Variants in FIBCD1 observed in about 807,000 individuals in gnomAD.
The protein encoded by FIBCD1 is fibrinogen C domain-containing protein 1.
Under a neutral mutation model 45.1 loss-of-function variants are expected in FIBCD1, and 47 were observed. The observed-to-expected ratio is 1.04, with a 90% CI of 0.82 to 1.33. FIBCD1 has a LOEUF of 1.33. Among genes scored for constraint, FIBCD1 ranks in the 40% most tolerant of loss-of-function variants. The pLI is 0.00. For synonymous variants in FIBCD1, 313 were observed against 308.1 expected (o/e 1.02, Z -0.17); for missense variants, 653 against 682.2 (o/e 0.96, Z 0.48).
chr9:130,908,198 T>C (rs1371591577), intron 5 of FIBCD1, among the ~76,000 whole-genome samples: 1 of 152,128 alleles, frequency 6.6e-6, no homozygotes, highest in Non-Finnish European at 1.5e-5. Flanking sequence ...CATGACTCGA[T>C]AGGAAAAGAC....
At chr9:130,930,166 G>A in intron 1 of FIBCD1, 120 bp from the exon 2 acceptor site, 4 of 1,266,196 alleles carry the variant, frequency 3.2e-6, no homozygotes, top group Non-Finnish European at 4.2e-6. Context: ...CAAGGGCGTG[G>A]CACAGAGACT....
chr9:130,912,704 GA>G (rs10538277), intron 4 of FIBCD1, among the ~76,000 whole-genome samples: 2,021 of 141,852 alleles, frequency 0.014, 41 homozygotes, highest in African/African-American at 0.047. Context: ...AAAACTGTCT[GA>G]AAAAAAAAAA....
chr9:130,927,808 A>G (rs1056283346), intron 2 of FIBCD1, among the ~76,000 whole-genome samples: 9 of 152,158 alleles, frequency 5.9e-5, no homozygotes, highest in Non-Finnish European at 1.2e-4. Context: ...AGCTGGGATT[A>G]CAGGCGCCCG....
intron 5 of FIBCD1, among the ~76,000 whole-genome samples, chr9:130,910,159 T>G (rs1832011099): frequency 6.6e-6 from 1 of 152,192 alleles, no homozygotes; most frequent in South Asian, 2.1e-4. Context: ...CGTGCGGCGC[T>G]TGCGGGCCAG....
intron 4 of FIBCD1, among the ~76,000 whole-genome samples, chr9:130,913,305 C>T (rs1377812623): frequency 2.0e-5 from 3 of 150,806 alleles, no homozygotes; most frequent in Non-Finnish European, 1.5e-5. Flanking sequence ...GCCCGCGGCC[C>T]GGCCGGCCTC....
intron 4 of FIBCD1, among the ~76,000 whole-genome samples, chr9:130,913,291 C>T (rs1454820283): frequency 1.3e-5 from 2 of 151,562 alleles, no homozygotes; most frequent in Admixed American, 6.6e-5. Flanking sequence ...TTCTCCGAGG[C>T]AGCGCCCGCG....
At chr9:130,911,072 C>T (rs886110286) in intron 5 of FIBCD1, among the ~76,000 whole-genome samples, 5 of 152,168 alleles carry the variant, frequency 3.3e-5, no homozygotes, top group Admixed American at 6.5e-5. Context: ...CAGCCAGCCT[C>T]GGCAACCCGC....
intron 1 of FIBCD1, among the ~76,000 whole-genome samples, chr9:130,932,693 G>A (rs7864465): frequency 0.43 from 65,981 of 151,992 alleles, 15,893 homozygotes; most frequent in Non-Finnish European, 0.56. Context: ...TGCTCCCCCC[G>A]TTAGGGTGCT....
chr9:130,935,401 C>T (rs746066898), intron 1 of FIBCD1, among the ~76,000 whole-genome samples: 2 of 152,176 alleles, frequency 1.3e-5, no homozygotes, highest in Non-Finnish European at 2.9e-5. Flanking sequence ...TGGCAAATAC[C>T]GTTTCACCCT....
At chr9:130,914,012 C>T (rs995745853) in intron 4 of FIBCD1, among the ~76,000 whole-genome samples, 2 of 152,148 alleles carry the variant, frequency 1.3e-5, no homozygotes, top group African/African-American at 4.8e-5. Flanking sequence ...CACACCTCTC[C>T]AGGCCCCAGC....
chr9:130,935,967 C>G (rs1832513367), intron 1 of FIBCD1, among the ~76,000 whole-genome samples: 1 of 152,184 alleles, frequency 6.6e-6, no homozygotes, highest in South Asian at 2.1e-4. Context: ...TTGTAGGAAC[C>G]AGATGTTCAG....
intron 4 of FIBCD1, among the ~76,000 whole-genome samples, chr9:130,918,435 C>T (rs150253241): frequency 4.8e-4 from 73 of 152,284 alleles, no homozygotes; most frequent in African/African-American, 1.7e-3. Context: ...TTAGAACGGC[C>T]CCCTGGAAGC....
chr9:130,937,466 A>C (rs1832535774), intron 1 of FIBCD1, among the ~76,000 whole-genome samples: 1 of 152,204 alleles, frequency 6.6e-6, no homozygotes, highest in African/African-American at 2.4e-5. Flanking sequence ...TGCAAACCGC[A>C]GAGGGCTGGG....
chr9:130,919,258 G>A lies in FIBCD1; in HGVS notation c.849+4486C>T, dbSNP rs574420945. Among the ~76,000 whole-genome samples the A allele has an allele frequency of 5.9e-4, 90 of 152,214 alleles. 1 individual carries two copies. The highest frequency in any genetic ancestry group is 2.0e-3 in the African/African-American group (83 of 41,466). On this transcript the variant is annotated intron_variant, in intron 4 of 6. Coordinates refer to ENST00000372338, the MANE Select transcript of FIBCD1 (RefSeq NM_032843.5). ...AAGGAAATGTGAGGGTGTTGTCCCC[G>A]GTCACCGGTCACCTCGCCATTATGA...
chr9:130,923,524 C>T (rs888643148), intron 4 of FIBCD1, among the ~76,000 whole-genome samples: 1 of 152,138 alleles, frequency 6.6e-6, no homozygotes, highest in African/African-American at 2.4e-5. Flanking sequence ...GCCTAATGTC[C>T]GCTCCAGAGT....
Position 130,908,929 on chromosome 9 carries a change from C to A in FIBCD1, c.946+2863G>T, listed in dbSNP as rs1490161261. Among the ~76,000 whole-genome samples, 4 of 152,214 alleles carry A rather than the reference C, an allele frequency of 2.6e-5. No individual in the cohort carries two copies. The East Asian group carries it at 7.7e-4, about 29-fold the overall frequency. ...CAGAGGGGCGGCCCCGCCTCACCAC[C>A]CCAACCCTGCCTTTGGGGCCCCCGA... On this transcript the variant is annotated intron_variant, in intron 5 of 6. Coordinates refer to ENST00000372338, the MANE Select transcript of FIBCD1 (RefSeq NM_032843.5).
chr9:130,938,700 C>G lies in FIBCD1; in HGVS notation c.-93G>C. On this transcript the variant is annotated 5_prime_UTR_variant, in exon 1 of 7. Transcript: ENST00000372338. ...GGCGCGGGCGCGGGCGCGGGGCGCG[C>G]TCTGTCCGCCGGGTCCCCGCCTCTG... 1.2e-6 allele frequency: 1 copy of G among 804,070 alleles called. No individual in the cohort carries two copies. The highest frequency in any genetic ancestry group is 1.6e-6 in the Non-Finnish European group (1 of 626,464). The allele number at this position is 804,070 out of a possible 1,614,324, so 49.8% of individuals were successfully genotyped here. A position where few individuals can be genotyped will look rare whatever the true frequency, so the allele number is the denominator to read the frequency against.
intron 2 of FIBCD1, among the ~76,000 whole-genome samples, chr9:130,928,417 C>A (rs1181734722): frequency 1.3e-5 from 2 of 152,098 alleles, no homozygotes; most frequent in South Asian, 4.1e-4. Context: ...TCAGGAGGTA[C>A]CCCCAGCCCC....
intron 4 of FIBCD1, 51 bp downstream of exon 4, chr9:130,923,693 C>T: frequency 6.3e-7 from 1 of 1,597,244 alleles, no homozygotes; most frequent in South Asian, 1.1e-5. Context: ...GGTACACAGC[C>T]TCACGGTCCC....
Sources: allele counts gnomAD v4.1 joint callset (sites outside exome capture counted in the v4.1 genomes callset), GRCh38; gene constraint gnomAD v4.1.1; transcripts MANE v1.5; gene names NCBI Gene and HGNC (gene_info 2026-07-23, HGNC 2026-07-21).